Variants in CACNB2 observed in about 807,000 individuals in gnomAD.
CACNB2 encodes the protein calcium voltage-gated channel auxiliary subunit beta 2, also known as voltage-dependent L-type calcium channel subunit beta-2.
In CACNB2, 42 loss-of-function variants were observed where a neutral mutation model predicts 73.3. The ratio of observed to expected loss-of-function variants is 0.57; its 90% CI spans 0.45 to 0.74. CACNB2 has a LOEUF of 0.74. CACNB2 is among the 30% of genes least tolerant of loss of function. The pLI is 0.00. For missense variants in CACNB2, 940 were observed against 853.0 expected (o/e 1.10, Z -1.27); for synonymous variants, 348 against 310.3 (o/e 1.12, Z -1.28).
At chr10:18,478,972 G>A (rs3905378) in intron 3 of CACNB2, among the ~76,000 whole-genome samples, 18,427 of 151,850 alleles carry the variant, frequency 0.12, 1,267 homozygotes, top group Admixed American at 0.18. Flanking sequence ...CGGGAGGATC[G>A]CTCTAAGCCC....
Position 18,405,089 on chromosome 10 carries a change from A to G in CACNB2, c.333+3046A>G, listed in dbSNP as rs571472387. ...TAATATATGAATGTAATTTATTCCC[A>G]CGTTGATCTTCTCTTTGAAAACAAC... is the stretch of plus-strand genomic sequence containing the variant. On this transcript the variant is annotated intron_variant, in intron 3 of 13. Coordinates refer to ENST00000324631, the MANE Select transcript of CACNB2 (RefSeq NM_201596.3). Among the ~76,000 whole-genome samples the G allele has an allele frequency of 2.0e-5, 3 of 152,326 alleles. No homozygotes were observed. In the East Asian group the frequency reaches 5.8e-4, roughly 29 times the overall value.
rs1480660564 is a variant in CACNB2, at chr10:18,500,835, A to G, written c.480A>G (p.Ile160Met). Residue 160 changes from isoleucine to methionine, a missense_variant, in exon 5 of 14, where the codon ATA becomes ATG. Transcript: ENST00000324631. ...VKEKFNNDWW[I>M]GRLVKEGCEI... ...AGAAATTTAACAATGACTGGTGGAT[A>G]GGGCGATTGGTAAAAGAAGGCTGTG... 4 of 1,613,914 alleles carry G rather than the reference A, an allele frequency of 2.5e-6. No individual in the cohort carries two copies.
intron 2 of CACNB2, among the ~76,000 whole-genome samples, chr10:18,159,876 G>T (rs376749505): frequency 3.9e-5 from 6 of 152,104 alleles, no homozygotes; most frequent in South Asian, 4.2e-4. Flanking sequence ...TAGATTTATT[G>T]CCACTGTGAT....
At position 18,527,568 on chromosome 10, in the gene CACNB2, G is replaced by GT; in HGVS notation, c.945-19dup. 4 of 1,558,242 alleles carry GT rather than the reference G, an allele frequency of 2.6e-6. No individual in the cohort carries two copies. In the East Asian group the frequency reaches 9.0e-5, roughly 35 times the overall value. ...TAGACCAATAACCTTAAGGTCTTCTGTGACTTTTTCCTCCAACAGGATATC... is the reference window on the plus strand; with the variant it reads ...TAGACCAATAACCTTAAGGTCTTCTGTTGACTTTTTCCTCCAACAGGATATC... On this transcript the variant is annotated intron_variant, in intron 9 of 13. Coordinates refer to ENST00000324631, the MANE Select transcript of CACNB2 (RefSeq NM_201596.3).
At chr10:18,405,593 C>T (rs773433785) in intron 3 of CACNB2, among the ~76,000 whole-genome samples, 3 of 152,080 alleles carry the variant, frequency 2.0e-5, no homozygotes, top group Non-Finnish European at 2.9e-5. Flanking sequence ...TCCTCAAAAA[C>T]GATGCCTTCT....
At position 18,157,577 on chromosome 10, in the gene CACNB2, C is replaced by T. The variant is rs978621191; in HGVS notation, c.213+6602C>T. Among the ~76,000 whole-genome samples the T allele has an allele frequency of 6.7e-4, 102 of 152,168 alleles. 4 individuals carry two copies. Among genetic ancestry groups the T allele is most frequent in the Non-Finnish European group, 3.1e-4 (21 of 68,030 alleles). On this transcript the variant is annotated intron_variant, in intron 2 of 13. Coordinates refer to ENST00000324631, the MANE Select transcript of CACNB2 (RefSeq NM_201596.3). ...GGGAAATAATAGTGTTCATTAAATG[C>T]TTACTTTAAGTTCTGTCTCCCCGTT...
intron 2 of CACNB2, chr10:18,400,995 G>C (rs1010367398): frequency 1.2e-6 from 2 of 1,613,866 alleles, no homozygotes; most frequent in South Asian, 2.2e-5. Flanking sequence ...CTGTGCCCGG[G>C]GCTGCAGCTG....
At chr10:18,146,306 ATTTT>A (rs10714038) in intron 1 of CACNB2, among the ~76,000 whole-genome samples, 8 of 118,920 alleles carry the variant, frequency 6.7e-5, no homozygotes, top group South Asian at 2.7e-4. Context: ...ATGGAGACTA[ATTTT>A]TTTTTTTTTT....
chr10:18,300,086 A>G (rs1004593020), intron 2 of CACNB2, among the ~76,000 whole-genome samples: 11 of 151,572 alleles, frequency 7.3e-5, no homozygotes, highest in African/African-American at 2.7e-4. Flanking sequence ...CAATGGCACT[A>G]TCTCGGCTCA....
Position 18,400,926 on chromosome 10 carries a change from C to T in CACNB2, c.214-998C>T, listed in dbSNP as rs577177654. ...GAAAGGGACGGAGAACAGGGGCTTG[C>T]CCAGAGCATGGATAGGAAAGGAGCT... On this transcript the variant is annotated intron_variant, in intron 2 of 13. Coordinates refer to ENST00000324631, the MANE Select transcript of CACNB2 (RefSeq NM_201596.3). The T allele has an allele frequency of 5.5e-4, 876 of 1,580,534 alleles. 1 individual carries two copies. The highest frequency in any genetic ancestry group is 6.9e-4 in the Non-Finnish European group (808 of 1,165,634).
chr10:18,497,982 G>T (rs780698239), intron 3 of CACNB2, among the ~76,000 whole-genome samples: 1 of 152,200 alleles, frequency 6.6e-6, no homozygotes, highest in Admixed American at 6.5e-5. Flanking sequence ...GCAAGGCAGT[G>T]ACTAAGTCCT....
At chr10:18,181,566 TA>T (rs1286388639) in intron 2 of CACNB2, among the ~76,000 whole-genome samples, 1 of 9,554 alleles carries the variant, frequency 1.0e-4, no homozygotes, top group African/African-American at 4.4e-4. Context: ...ATAACTTTTT[TA>T]TTTTATTTTA....
intron 1 of CACNB2, among the ~76,000 whole-genome samples, chr10:18,148,213 T>C (rs2031185819): frequency 6.6e-6 from 1 of 152,222 alleles, no homozygotes; most frequent in Non-Finnish European, 1.5e-5. Flanking sequence ...GATAGGGATT[T>C]GCTCTAACAC....
intron 2 of CACNB2, among the ~76,000 whole-genome samples, chr10:18,238,021 G>A (rs570765591): frequency 6.6e-6 from 1 of 152,274 alleles, no homozygotes; most frequent in African/African-American, 2.4e-5. Context: ...TCCTAGTTTG[G>A]ACCTCATGTT....
intron 3 of CACNB2, among the ~76,000 whole-genome samples, chr10:18,472,626 G>A (rs1043480892): frequency 6.6e-6 from 1 of 152,186 alleles, no homozygotes; most frequent in Non-Finnish European, 1.5e-5. Context: ...TGGAGGTTTA[G>A]GGAGTGGGTG....
intron 3 of CACNB2, among the ~76,000 whole-genome samples, chr10:18,475,023 A>G (rs958515269): frequency 9.3e-5 from 14 of 150,518 alleles, no homozygotes; most frequent in Non-Finnish European, 1.8e-4. Context: ...ATAATTTGCT[A>G]GAAGGGCTCA....
chr10:18,204,965 A>G (rs892952422), intron 2 of CACNB2, among the ~76,000 whole-genome samples: 3 of 130,154 alleles, frequency 2.3e-5, no homozygotes, highest in Non-Finnish European at 5.1e-5. Flanking sequence ...TGGATTCCTT[A>G]AACTTTACCA....
At chr10:18,462,279 C>T (rs1290085449) in intron 3 of CACNB2, among the ~76,000 whole-genome samples, 7 of 152,162 alleles carry the variant, frequency 4.6e-5, no homozygotes, top group Non-Finnish European at 1.0e-4. Flanking sequence ...ATTGAGACAG[C>T]GTCTCACTCT....
intron 3 of CACNB2, among the ~76,000 whole-genome samples, chr10:18,407,917 G>T (rs185597572): frequency 6.6e-5 from 10 of 151,930 alleles, no homozygotes; most frequent in African/African-American, 2.4e-4. Flanking sequence ...TGTTTATTAA[G>T]CTTCTTTAAT....
Sources: allele counts gnomAD v4.1 joint callset (sites outside exome capture counted in the v4.1 genomes callset), GRCh38; gene constraint gnomAD v4.1.1; transcripts MANE v1.5; gene names NCBI Gene and HGNC (gene_info 2026-07-23, HGNC 2026-07-21).